The following SERTAD1 variants were observed in gnomAD, a reference collection of about 807,000 sequenced individuals.
SERTAD1 encodes SERTA domain containing 1, also known as SERTA domain-containing protein 1.
A neutral mutation model predicts 11.7 loss-of-function variants in SERTAD1; 5 were observed. The ratio of observed to expected loss-of-function variants is 0.43; its 90% CI spans 0.22 to 0.90. The LOEUF (loss-of-function observed/expected upper bound fraction) is 0.90. Ranked by LOEUF, SERTAD1 falls within the 40% of genes least tolerant of loss-of-function variation. The probability of loss-of-function intolerance (pLI) is 0.27; values close to 1 mark genes in which losing one functional copy is unlikely to be tolerated. For synonymous variants in SERTAD1, 139 were observed against 141.4 expected (o/e 0.98, Z 0.12); for missense variants, 287 against 313.9 (o/e 0.91, Z 0.65).
chr19:40,425,774 C>T (rs2079614669), intron 1 of SERTAD1, 93 bp downstream of exon 1: 1 of 152,070 alleles, frequency 6.6e-6, no homozygotes, highest in East Asian at 1.9e-4. Context: ...CCCGGGCAGC[C>T]CCGGCGGGCA....
Position 40,423,437 on chromosome 19 carries a change from G to A in SERTAD1, c.110C>T (p.Pro37Leu). The A allele has an allele frequency of 1.2e-6, 2 of 1,613,244 alleles. No individual in the cohort carries two copies. Among genetic ancestry groups the A allele is most frequent in the South Asian group, 1.1e-5 (1 of 91,088 alleles). Residue 37 changes from proline to leucine, a missense_variant, in exon 2 of 2, where the codon CCC (proline) becomes CTC (leucine). Coordinates refer to ENST00000357949, the MANE Select transcript of SERTAD1 (RefSeq NM_013376.4). The part of the protein sequence containing the change: ...DPGHTAVAQA[P>L]PAVASSSLFD... ...GAGGGAGCTAGAGGCCACGGCCGGG[G>A]GTGCCTGTGCCACCGCTGTGTGGCC... is the stretch of plus-strand genomic sequence containing the variant.
At chr19:40,425,518 C>G (rs1039301817) in intron 1 of SERTAD1, among the ~76,000 whole-genome samples, 20 of 152,182 alleles carry the variant, frequency 1.3e-4, no homozygotes, top group African/African-American at 4.8e-4. Context: ...CCCCGATTCC[C>G]GGCTGTGATT....
In SERTAD1 at chr19:40,422,761, T is replaced by G; in HGVS notation, c.*75A>C. 6.9e-7 allele frequency: 1 copy of G among 1,452,214 alleles called. No homozygotes were observed. The highest frequency in any genetic ancestry group is 9.1e-7 in the Non-Finnish European group (1 of 1,093,968). The allele number at this position is 1,452,214 out of a possible 1,614,324, so 90.0% of individuals were successfully genotyped here. On this transcript the variant is annotated 3_prime_UTR_variant, in exon 2 of 2. Transcript: ENST00000357949. ...TGTTCTCTGTACTAGGGAAGCCAGC[T>G]GTGTCTTTTCGAGGACAGTTGGTCC...
At position 40,423,332 on chromosome 19, in the gene SERTAD1, T is replaced by C. The variant is rs2079605442; in HGVS notation, c.215A>G (p.Asn72Ser). The part of the protein sequence containing the change: ...PDLRHLVLVV[N>S]TLRRIQASMA... The stretch of plus-strand genomic sequence containing the variant: ...GGACGCCTGGATGCGCCGCAGAGTG[T>C]TCACGACCAGCACCAGGTGCCGCAG... Residue 72 changes from asparagine to serine, a missense_variant, in exon 2 of 2, where the codon AAC (asparagine) becomes AGC (serine). Transcript: ENST00000357949. 6.2e-7 allele frequency: 1 copy of C among 1,612,562 alleles called. No homozygotes were observed. Among genetic ancestry groups the C allele is most frequent in the Non-Finnish European group, 8.5e-7 (1 of 1,179,648 alleles).
chr19:40,423,353 C>T lies in SERTAD1; in HGVS notation c.194G>A (p.Arg65Gln), dbSNP rs1331729545. Reference protein sequence around the residue: ...HSLQQSEPDLRHLVLVVNTLR... With the variant: ...HSLQQSEPDLQHLVLVVNTLR... Reference sequence around the variant, plus strand: ...AGTGTTCACGACCAGCACCAGGTGCCGCAGGTCCGGCTCACTCTGCTGCAG... The same window carrying T: ...AGTGTTCACGACCAGCACCAGGTGCTGCAGGTCCGGCTCACTCTGCTGCAG... Residue 65 changes from arginine (R) to glutamine (Q), a missense_variant, in exon 2 of 2, where the codon CGG becomes CAG. By Grantham distance (43) the Arg-to-Gln change is conservative (BLOSUM62 1). Transcript: ENST00000357949. The T allele has an allele frequency of 1.9e-6, 3 of 1,613,248 alleles. No individual in the cohort carries two copies. Among genetic ancestry groups the T allele is most frequent in the Non-Finnish European group, 1.7e-6 (2 of 1,179,910 alleles).
In SERTAD1 at chr19:40,423,302, G is replaced by A. The variant is rs1261483137; in HGVS notation, c.245C>T (p.Ala82Val). 6.2e-7 allele frequency: 1 copy of A among 1,608,890 alleles called. No individual in the cohort carries two copies. The highest frequency in any genetic ancestry group is 1.1e-5 in the South Asian group (1 of 90,692). The change falls in exon 2 of 2, where the codon GCA becomes GTA. Residue 82 changes from alanine to valine, a missense_variant. Ala to Val is a moderately conservative substitution (Grantham distance 64, BLOSUM62 0). Transcript: ENST00000357949. The part of the protein sequence containing the change: ...NTLRRIQASM[A>V]PAAALPPVPS... ...CACAGGTGGCAGGGCAGCCGCGGGT[G>A]CCATGGACGCCTGGATGCGCCGCAG...
intron 1 of SERTAD1, 148 bp downstream of exon 1, chr19:40,425,719 G>T (rs927109625): frequency 6.6e-6 from 1 of 152,194 alleles, no homozygotes; most frequent in African/African-American, 2.4e-5. Flanking sequence ...TGATTCACCC[G>T]GCCCGGCCGG....
chr19:40,422,878 C>T lies in SERTAD1; in HGVS notation c.669G>A (p.Val223=). 6 of 1,612,494 alleles carry T rather than the reference C, an allele frequency of 3.7e-6. No individual in the cohort carries two copies. Among genetic ancestry groups the T allele is most frequent in the Non-Finnish European group, 5.1e-6 (6 of 1,179,406 alleles). Residue 223 remains valine (V), a synonymous_variant, in exon 2 of 2, where the codon GTG becomes GTA. Transcript: ENST00000357949. ...GCGGTCGCTCCAGTGCCTGTGTGCC[C>T]ACCAGCACATCCATGAGGTAGTCCA... is the stretch of plus-strand genomic sequence containing the variant. ...AELDYLMDVL[V]GTQALERPPG... is the part of the protein sequence containing the mutation.
At position 40,421,992 on chromosome 19, in the gene SERTAD1, TA is replaced by T. The variant is rs1171162186; in HGVS notation, c.*843del. The T allele has an allele frequency of 6.6e-6, 1 of 151,250 alleles. No individual in the cohort carries two copies. The highest frequency in any genetic ancestry group is 1.5e-5 in the Non-Finnish European group (1 of 67,848). The allele number at this position is 151,250 out of a possible 1,614,324, so 9.4% of individuals were successfully genotyped here. On this transcript the variant is annotated 3_prime_UTR_variant, in exon 2 of 2. Transcript: ENST00000357949. ...TGAAACCCTGTCTCTACAAAAAATA[TA>T]AAAAATTAGTCGGTCCCAGCTAATT...
At position 40,422,243 on chromosome 19, in the gene SERTAD1, G is replaced by C. The variant is rs1253773388; in HGVS notation, c.*593C>G. 2 of 145,354 alleles carry C rather than the reference G, an allele frequency of 1.4e-5. No individual in the cohort carries two copies. The highest frequency in any genetic ancestry group is 3.0e-5 in the Non-Finnish European group (2 of 66,890). The allele number at this position is 145,354 out of a possible 1,614,324, so 9.0% of individuals were successfully genotyped here. A position where few individuals can be genotyped will look rare whatever the true frequency, so the allele number is the denominator to read the frequency against. On this transcript the variant is annotated 3_prime_UTR_variant, in exon 2 of 2. Coordinates refer to ENST00000357949, the MANE Select transcript of SERTAD1 (RefSeq NM_013376.4). ...TGTACTTCAACCTGGGTGACAGAGC[G>C]AGACCCTATCTCAAAAAAAAAAAAA...
At position 40,423,501 on chromosome 19, in the gene SERTAD1, T is replaced by C; in HGVS notation, c.46A>G (p.Lys16Glu). Residue 16 changes from lysine (K) to glutamate (E), a missense_variant, in exon 2 of 2, where the codon AAG (lysine) becomes GAG (glutamate). Physicochemically the swap from Lys to Glu is moderately conservative, Grantham distance 56 (BLOSUM62 1). Transcript: ENST00000357949. ...LKRKREEEEE[K>E]EPLAVDSWWL... is the part of the protein sequence containing the mutation. ...CAGGAGTCGACTGCCAGAGGTTCCTTCTCCTCCTCCTCCTCCCGTTTCCGC... is the reference window on the plus strand; with the variant it reads ...CAGGAGTCGACTGCCAGAGGTTCCTCCTCCTCCTCCTCCTCCCGTTTCCGC... 6.2e-7 allele frequency: 1 copy of C among 1,611,126 alleles called. No individual in the cohort carries two copies. Among genetic ancestry groups the C allele is most frequent in the South Asian group, 1.1e-5 (1 of 90,940 alleles).
intron 1 of SERTAD1, 29 bp from the exon 2 acceptor site, chr19:40,423,575 T>C (rs1292918316): frequency 7.4e-7 from 1 of 1,360,196 alleles, no homozygotes; most frequent in Non-Finnish European, 1.0e-6. Flanking sequence ...TATGGAGTTA[T>C]AGTCAGTTAT....
Position 40,423,244 on chromosome 19 carries a change from G to A in SERTAD1, c.303C>T (p.Asp101=). Residue 101 remains aspartate (D), a synonymous_variant, in exon 2 of 2, where the codon GAC becomes GAT. Transcript: ENST00000357949. ...PSPPAAPSVA[D]NLLASSDAAL... ...CAGCGTCCGAGCTTGCCAGTAAGTTGTCAGCCACACTGGGGGCTGCAGGTG... is the reference window on the plus strand; with the variant it reads ...CAGCGTCCGAGCTTGCCAGTAAGTTATCAGCCACACTGGGGGCTGCAGGTG... 2.5e-6 allele frequency: 4 copies of A among 1,607,020 alleles called. No individual in the cohort carries two copies. Among genetic ancestry groups the A allele is most frequent in the Middle Eastern group, 1.7e-4 (1 of 6,034 alleles).
At chr19:40,423,588 A>T in intron 1 of SERTAD1, 42 bp from the exon 2 acceptor site, 1 of 1,293,898 alleles carries the variant, frequency 7.7e-7, no homozygotes, top group East Asian at 2.3e-5. Context: ...TCAGTTATAG[A>T]AAACAAATGT....
chr19:40,422,813 G>A lies in SERTAD1; in HGVS notation c.*23C>T, dbSNP rs201246504. On this transcript the variant is annotated 3_prime_UTR_variant, in exon 2 of 2. Coordinates refer to ENST00000357949, the MANE Select transcript of SERTAD1 (RefSeq NM_013376.4). ...GCCAGCAGGCTCAGTTCAGATACCA[G>A]ACAACCATTCCAGCACGAGGGCTCA... 7.1e-5 allele frequency: 111 copies of A among 1,565,822 alleles called. No homozygotes were observed. The East Asian group carries it at 9.9e-4, about 14-fold the overall frequency.
chr19:40,425,666 A>C (rs1022306685), intron 1 of SERTAD1, among the ~76,000 whole-genome samples: 1 of 151,652 alleles, frequency 6.6e-6, no homozygotes, highest in African/African-American at 2.4e-5. Flanking sequence ...ACGCAGCCGG[A>C]GCCAAGAAGC....
chr19:40,424,013 C>A (rs969602414), intron 1 of SERTAD1, among the ~76,000 whole-genome samples: 1 of 152,096 alleles, frequency 6.6e-6, no homozygotes, highest in Non-Finnish European at 1.5e-5. Flanking sequence ...CATGCGTGAG[C>A]CACCGCGCCT....
chr19:40,424,010 G>A (rs1254247105), intron 1 of SERTAD1, among the ~76,000 whole-genome samples: 1 of 152,046 alleles, frequency 6.6e-6, no homozygotes, highest in African/African-American at 2.4e-5. Flanking sequence ...TTACATGCGT[G>A]AGCCACCGCG....
In SERTAD1 at chr19:40,422,859, G is replaced by C. The variant is rs781481801; in HGVS notation, c.688C>G (p.Arg230Gly). ...GCTCAGCGCCCTGGCCCCGGCGGTC[G>C]CTCCAGTGCCTGTGTGCCCACCAGC... Reference protein sequence around the residue: ...DVLVGTQALERPPGPGR With the variant: ...DVLVGTQALEGPPGPGR The change falls in exon 2 of 2, where the codon CGA becomes GGA. Residue 230 changes from arginine to glycine, a missense_variant. By Grantham distance (125) the Arg-to-Gly change is moderately radical. Coordinates refer to ENST00000357949, the MANE Select transcript of SERTAD1 (RefSeq NM_013376.4). The C allele has an allele frequency of 1.2e-6, 2 of 1,603,206 alleles. No individual in the cohort carries two copies. The highest frequency in any genetic ancestry group is 2.2e-5 in the South Asian group (2 of 90,448).
Sources: gnomAD v4.1 joint callset for allele counts (sites outside exome capture counted in the v4.1 genomes callset) on GRCh38, gnomAD v4.1.1 for gene constraint, MANE v1.5 for transcripts, NCBI Gene and HGNC (gene_info 2026-07-23, HGNC 2026-07-21) for gene names.